Variants in AGPAT4 observed in about 807,000 individuals in gnomAD.
The protein encoded by AGPAT4 is 1-acyl-sn-glycerol-3-phosphate acyltransferase delta.
AGPAT4 carries 15 observed loss-of-function variants against 48.0 expected under a neutral mutation model. The ratio of observed to expected loss-of-function variants is 0.31; its 90% CI spans 0.21 to 0.48. The LOEUF is 0.48. Ranked by LOEUF, AGPAT4 falls within the 20% of genes least tolerant of loss-of-function variation. The probability of loss-of-function intolerance (pLI) is 0.99; values close to 1 mark genes in which losing one functional copy is unlikely to be tolerated. For missense variants in AGPAT4, 314 were observed against 482.5 expected, an observed-to-expected ratio of 0.65 and a Z score of 3.27; for synonymous variants, 178 against 198.7, an observed-to-expected ratio of 0.90 and a Z score of 0.88.
In AGPAT4 at chr6:161,178,708, C is replaced by A. The variant is rs959158113; in HGVS notation, c.179-12291G>T. 1.2e-4 allele frequency among the ~76,000 whole-genome samples: 19 copies of A among 152,208 alleles called. No individual in the cohort carries two copies. The highest frequency in any genetic ancestry group is 4.6e-4 in the Admixed American group (7 of 15,290). ...CAGAAATCACCCATCTTCCGCATCA[C>A]TCACACTGGGAGCTGTAGACTGGAG... On this transcript the variant is annotated intron_variant, in intron 2 of 8. Transcript: ENST00000320285. This position sits in a 1 kb window ranked among gnomAD's most constrained non-coding sequence, Gnocchi z 5.1.
At chr6:161,257,250 A>C (rs1457345665) in intron 1 of AGPAT4, among the ~76,000 whole-genome samples, 1 of 152,260 alleles carries the variant, frequency 6.6e-6, no homozygotes, top group African/African-American at 2.4e-5. Context: ...ACTAACAAGA[A>C]GGAACCAGTC....
rs776667282 is a variant in AGPAT4, at chr6:161,201,650, G to A, written c.178+30386C>T. 2.0e-5 allele frequency among the ~76,000 whole-genome samples: 3 copies of A among 152,172 alleles called. No homozygotes were observed. The highest frequency in any genetic ancestry group is 4.4e-5 in the Non-Finnish European group (3 of 68,036). On this transcript the variant is annotated intron_variant, in intron 2 of 8. Coordinates refer to ENST00000320285, the MANE Select transcript of AGPAT4 (RefSeq NM_020133.3). This position sits in a 1 kb window ranked among gnomAD's most constrained non-coding sequence, Gnocchi z 6.0. Reference sequence around the variant, plus strand: ...GTTACAATGCAGATTCCTAGATCTGGAGAGAGGAGCCTGAGATTCCCCACT... The same window carrying A: ...GTTACAATGCAGATTCCTAGATCTGAAGAGAGGAGCCTGAGATTCCCCACT...
intron 2 of AGPAT4, among the ~76,000 whole-genome samples, chr6:161,230,969 A>G (rs993856315): frequency 6.6e-6 from 1 of 152,226 alleles, no homozygotes; most frequent in Non-Finnish European, 1.5e-5. Flanking sequence ...AGTATTCTGA[A>G]GTTTAACAAA....
At chr6:161,260,356 G>A (rs1582917245) in intron 1 of AGPAT4, among the ~76,000 whole-genome samples, 1 of 152,098 alleles carries the variant, frequency 6.6e-6, no homozygotes, top group African/African-American at 2.4e-5. Flanking sequence ...AATGTGCAGC[G>A]TGGTTTGAAA....
Position 161,217,854 on chromosome 6 carries a change from C to T in AGPAT4, c.178+14182G>A, listed in dbSNP as rs1781692770. Reference sequence around the variant, plus strand: ...GGCAGCACAGCTGGTGCCTCTGCTCCCGCGGGGCCCTGCACACACCAGCTC... The same window carrying T: ...GGCAGCACAGCTGGTGCCTCTGCTCTCGCGGGGCCCTGCACACACCAGCTC... On this transcript the variant is annotated intron_variant, in intron 2 of 8. Coordinates refer to ENST00000320285, the MANE Select transcript of AGPAT4 (RefSeq NM_020133.3). This position sits in a 1 kb window ranked among gnomAD's most constrained non-coding sequence, Gnocchi z 4.9. 6.7e-6 allele frequency among the ~76,000 whole-genome samples: 1 copy of T among 148,342 alleles called. No homozygotes were observed.
rs577631110 is a variant in AGPAT4, at chr6:161,133,654, G to C, written c.*2886C>G. The C allele has an allele frequency of 1.3e-4, 20 of 152,342 alleles. No individual in the cohort carries two copies. The highest frequency in any genetic ancestry group is 4.3e-4 in the African/African-American group (18 of 41,558). The allele number at this position is 152,342 out of a possible 1,614,324, so 9.4% of individuals were successfully genotyped here. On this transcript the variant is annotated 3_prime_UTR_variant, in exon 9 of 9. Transcript: ENST00000320285. ...ATTAAATTCCCTGCTTCTATAAGCT[G>C]CAGGAGTCGCCTAGGATATGGCCCG... is the stretch of plus-strand genomic sequence containing the variant.
intron 3 of AGPAT4, chr6:161,162,006 A>C (rs1317129391): frequency 1.2e-5 from 2 of 164,506 alleles, no homozygotes; most frequent in Non-Finnish European, 2.7e-5. Context: ...CAGAGATCTC[A>C]CTGTGTTGCC....
chr6:161,265,672 G>A (rs532220517), intron 1 of AGPAT4, among the ~76,000 whole-genome samples: 1 of 152,202 alleles, frequency 6.6e-6, no homozygotes, highest in Admixed American at 6.5e-5. Context: ...GAGAGGTTTG[G>A]AAAAGGAGGC....
chr6:161,211,629 T>A (rs1050093881), intron 2 of AGPAT4, among the ~76,000 whole-genome samples: 29 of 152,034 alleles, frequency 1.9e-4, no homozygotes, highest in African/African-American at 6.0e-4. Context: ...AAGAGATTTT[T>A]AAAAAAAACG....
In AGPAT4 at chr6:161,245,025, C is replaced by T. The variant is rs560322294; in HGVS notation, c.-89-12723G>A. ...TCCTGCAAATGCTAACTTAATTTCG[C>T]ACACATGCCTACTAGCAAGCCGTGC... On this transcript the variant is annotated intron_variant, in intron 1 of 8. Coordinates refer to ENST00000320285, the MANE Select transcript of AGPAT4 (RefSeq NM_020133.3). The surrounding 1 kb of genome is among the most constrained non-coding windows in gnomAD (Gnocchi z 5.2). 4.6e-5 allele frequency among the ~76,000 whole-genome samples: 7 copies of T among 152,370 alleles called. No individual in the cohort carries two copies. The highest frequency in any genetic ancestry group is 1.7e-4 in the African/African-American group (7 of 41,584).
At position 161,154,153 on chromosome 6, in the gene AGPAT4, T is replaced by C. The variant is rs1360874560; in HGVS notation, c.506A>G (p.Tyr169Cys). 1 of 1,613,904 alleles carries C rather than the reference T, an allele frequency of 6.2e-7. No homozygotes were observed. The highest frequency in any genetic ancestry group is 1.3e-5 in the African/African-American group (1 of 74,892). ...GCTGCTCTGGTGCCTACATACAAAA[T>C]ACTTCTCGGGGTAGTCCCGGAGGTG... Reference protein sequence around the residue: ...LQHLRDYPEKYFFLIHCEGTR... With the variant: ...LQHLRDYPEKCFFLIHCEGTR... The change falls in exon 4 of 9, where the codon TAT (tyrosine) becomes TGT (cysteine). Residue 169 changes from tyrosine (Y) to cysteine (C), a missense_variant. By Grantham distance (194) the Tyr-to-Cys change is radical. Transcript: ENST00000320285. This position sits in a 1 kb window ranked among gnomAD's most constrained non-coding sequence, Gnocchi z 7.8.
intron 2 of AGPAT4, among the ~76,000 whole-genome samples, chr6:161,193,640 G>A (rs1227139030): frequency 1.3e-5 from 2 of 152,172 alleles, no homozygotes; most frequent in Non-Finnish European, 2.9e-5. Flanking sequence ...GCCTTTCACA[G>A]TTCCAGTTTT....
chr6:161,181,503 C>CGG (rs776492737), intron 2 of AGPAT4, among the ~76,000 whole-genome samples: 6 of 126,140 alleles, frequency 4.8e-5, no homozygotes, highest in African/African-American at 1.5e-4. Flanking sequence ...GTGGGGGTAG[C>CGG]AGGGGGCGGG....
intron 2 of AGPAT4, among the ~76,000 whole-genome samples, chr6:161,210,911 C>A (rs1781505049): frequency 6.6e-6 from 1 of 152,202 alleles, no homozygotes; most frequent in South Asian, 2.1e-4. Context: ...ATTACTGTAA[C>A]TTCTAATCTT....
At chr6:161,170,207 G>A (rs1780224574) in intron 2 of AGPAT4, among the ~76,000 whole-genome samples, 1 of 152,114 alleles carries the variant, frequency 6.6e-6, no homozygotes, top group South Asian at 2.1e-4. Flanking sequence ...CCTGTGGACT[G>A]CAAGCTCCAG....
rs1163358037 is a variant in AGPAT4 at position 161,158,435 on chromosome 6, C to G, written c.349-4125G>C. ...ATGTATCAACAGATCTGTCTAGATA[C>G]AAGCATATTTAGACAATCTAAAATT... On this transcript the variant is annotated intron_variant, in intron 3 of 8. Coordinates refer to ENST00000320285, the MANE Select transcript of AGPAT4 (RefSeq NM_020133.3). The surrounding 1 kb of genome is among the most constrained non-coding windows in gnomAD (Gnocchi z 5.3). Among the ~76,000 whole-genome samples, 1 of 152,186 alleles carries G rather than the reference C, an allele frequency of 6.6e-6. No individual in the cohort carries two copies. Among genetic ancestry groups the G allele is most frequent in the African/African-American group, 2.4e-5 (1 of 41,430 alleles).
chr6:161,264,417 T>G lies in AGPAT4; in HGVS notation c.-90+9521A>C, dbSNP rs1783187465. ...CACCCACTGGCCCACTCCTCTGGTCTCTGGCACTCCGTGAGAAGCGTGCAC... is the reference window on the plus strand; with the variant it reads ...CACCCACTGGCCCACTCCTCTGGTCGCTGGCACTCCGTGAGAAGCGTGCAC... On this transcript the variant is annotated intron_variant, in intron 1 of 8. Coordinates refer to ENST00000320285, the MANE Select transcript of AGPAT4 (RefSeq NM_020133.3). The surrounding 1 kb of genome is among the most constrained non-coding windows in gnomAD (Gnocchi z 6.8). Among the ~76,000 whole-genome samples the G allele has an allele frequency of 1.3e-5, 2 of 152,254 alleles. No homozygotes were observed. The highest frequency in any genetic ancestry group is 4.1e-4 in the South Asian group (2 of 4,824).
intron 2 of AGPAT4, among the ~76,000 whole-genome samples, chr6:161,199,880 T>A (rs976572721): frequency 6.6e-6 from 1 of 152,148 alleles, no homozygotes; most frequent in South Asian, 2.1e-4. Flanking sequence ...TTACCCAGTC[T>A]CAGGTAGCTC....
intron 2 of AGPAT4, among the ~76,000 whole-genome samples, chr6:161,194,573 T>C (rs1001301277): frequency 2.7e-5 from 4 of 147,862 alleles, no homozygotes; most frequent in Non-Finnish European, 5.9e-5. Context: ...TGTATGTGTA[T>C]GTGTGTATAT....
Sources: gnomAD v4.1 joint callset for allele counts (sites outside exome capture counted in the v4.1 genomes callset) on GRCh38, gnomAD v4.1.1 for gene constraint, Gnocchi (gnomAD v3.1) non-coding constraint, MANE v1.5 for transcripts, NCBI Gene and HGNC (gene_info 2026-07-23, HGNC 2026-07-21) for gene names.